The following CLYBL variants were observed in gnomAD, a reference collection of about 807,000 sequenced individuals.
The protein encoded by CLYBL is citramalyl-CoA lyase, also known as citramalyl-CoA lyase, mitochondrial.
In CLYBL, 31 loss-of-function variants were observed where a neutral mutation model predicts 38.9. That is an observed-to-expected ratio of 0.80 (90% CI 0.60 to 1.08). CLYBL has a LOEUF of 1.08. Ranked by LOEUF, CLYBL falls within the 50% of genes least tolerant of loss-of-function variation. The pLI is 0.00. For missense variants in CLYBL, 434 were observed against 411.6 expected (o/e 1.05, Z -0.47); for synonymous variants, 171 against 158.6 (o/e 1.08, Z -0.59).
intron 1 of CLYBL, among the ~76,000 whole-genome samples, chr13:99,693,786 G>A (rs2047941500): frequency 6.6e-6 from 1 of 152,178 alleles, no homozygotes; most frequent in Non-Finnish European, 1.5e-5. Context: ...GGAGGTTTAA[G>A]AAAGATTATT....
intron 1 of CLYBL, among the ~76,000 whole-genome samples, chr13:99,619,797 A>G (rs1320583282): frequency 6.6e-6 from 1 of 152,228 alleles, no homozygotes; most frequent in African/African-American, 2.4e-5. Context: ...TCCAGAGTCT[A>G]GAAAGGAATT....
intron 2 of CLYBL, among the ~76,000 whole-genome samples, chr13:99,824,260 C>CCCG (rs1555313217): frequency 1.7e-5 from 2 of 117,118 alleles, no homozygotes; most frequent in South Asian, 7.1e-4. Flanking sequence ...ACTAATAGCC[C>CCCG]CCCCCACCCA....
intron 1 of CLYBL, among the ~76,000 whole-genome samples, chr13:99,611,004 A>G (rs1404419857): frequency 1.3e-5 from 2 of 152,236 alleles, no homozygotes; most frequent in African/African-American, 4.8e-5. Flanking sequence ...AAGGAACCAC[A>G]AGACAGGTCA....
rs747659258 is a variant in CLYBL, at chr13:99,815,284, G to A, written c.249+42274G>A. Among the ~76,000 whole-genome samples, 6 of 152,284 alleles carry A rather than the reference G, an allele frequency of 3.9e-5. No individual in the cohort carries two copies. The East Asian group carries it at 7.7e-4, about 20-fold the overall frequency. ...TCATGTGTACGTGTTTGTGAATGGC[G>A]TGTGGGGATGGTGCATGGGGATGGT... On this transcript the variant is annotated intron_variant, in intron 2 of 8. Coordinates refer to ENST00000339105, the MANE Select transcript of CLYBL (RefSeq NM_206808.5).
At chr13:99,720,504 T>C (rs1342532303) in intron 1 of CLYBL, among the ~76,000 whole-genome samples, 1 of 152,236 alleles carries the variant, frequency 6.6e-6, no homozygotes, top group East Asian at 1.9e-4. Flanking sequence ...TTCTTTTGGA[T>C]TGAGTCTTTT....
chr13:99,628,591 G>A (rs2046901306), intron 1 of CLYBL, among the ~76,000 whole-genome samples: 1 of 152,202 alleles, frequency 6.6e-6, no homozygotes, highest in Admixed American at 6.5e-5. Flanking sequence ...GGGAATTCAG[G>A]ACTAGCTGCC....
chr13:99,738,585 T>C (rs934666646), intron 1 of CLYBL, among the ~76,000 whole-genome samples: 2 of 152,170 alleles, frequency 1.3e-5, no homozygotes, highest in African/African-American at 4.8e-5. Flanking sequence ...GGCCTTGTGC[T>C]CAATGGTGAT....
intron 1 of CLYBL, among the ~76,000 whole-genome samples, chr13:99,745,730 A>G (rs2048838672): frequency 6.6e-6 from 1 of 152,220 alleles, no homozygotes; most frequent in Non-Finnish European, 1.5e-5. Context: ...ATTCGTGATC[A>G]CAGCTTGTAT....
chr13:99,804,873 T>C (rs2050200920), intron 2 of CLYBL, among the ~76,000 whole-genome samples: 1 of 152,146 alleles, frequency 6.6e-6, no homozygotes, highest in Admixed American at 6.5e-5. Context: ...TCTCCAGAAC[T>C]TTTCATCTTC....
rs1437284301 is a variant in CLYBL at position 99,865,330 on chromosome 13, ATTG to A, written c.634+422_634+424del. The A allele has an allele frequency of 4.7e-5, 13 of 277,390 alleles. No homozygotes were observed. The highest frequency in any genetic ancestry group is 9.1e-5 in the Non-Finnish European group (13 of 142,696). 17.2% of individuals were successfully genotyped at this position (277,390 alleles called of 1,614,324 possible). A position where few individuals can be genotyped will look rare whatever the true frequency, so the allele number is the denominator to read the frequency against. On this transcript the variant is annotated intron_variant, in intron 5 of 8. Transcript: ENST00000339105. This position sits in a 1 kb window ranked among gnomAD's most constrained non-coding sequence, Gnocchi z 4.7. ...GGCAATTTCACATTTGCCTTAATGA[ATTG>A]TTTTCTACAGAATATGCGGTAGGTA...
chr13:99,763,662 C>A (rs2049209376), intron 1 of CLYBL, among the ~76,000 whole-genome samples: 1 of 150,496 alleles, frequency 6.6e-6, no homozygotes, highest in African/African-American at 2.4e-5. Flanking sequence ...TCAAGCGATT[C>A]TCCTGCCTAA....
intron 9 of CLYBL, among the ~76,000 whole-genome samples, chr13:99,907,542 C>T (rs987278847): frequency 5.9e-5 from 9 of 151,512 alleles, no homozygotes; most frequent in African/African-American, 1.7e-4. Context: ...TTTGTATTTC[C>T]AAATTTTTCA....
chr13:99,862,649 C>T (rs1291699175), intron 3 of CLYBL, among the ~76,000 whole-genome samples: 1 of 152,150 alleles, frequency 6.6e-6, no homozygotes, highest in Admixed American at 6.5e-5. Flanking sequence ...AAGGGCCTAC[C>T]ATTTGCATTT....
chr13:99,763,636 C>T (rs762028128), intron 1 of CLYBL, among the ~76,000 whole-genome samples: 2 of 150,818 alleles, frequency 1.3e-5, no homozygotes, highest in Non-Finnish European at 2.9e-5. Context: ...CTCACTGCAA[C>T]CTCCGCCTCC....
intron 1 of CLYBL, among the ~76,000 whole-genome samples, chr13:99,621,356 C>G (rs903580957): frequency 2.0e-5 from 3 of 152,130 alleles, no homozygotes; most frequent in African/African-American, 7.2e-5. Context: ...CCCACACTCT[C>G]GAGTCATCAG....
At chr13:99,658,247 C>T (rs542443035) in intron 1 of CLYBL, among the ~76,000 whole-genome samples, 33 of 152,378 alleles carry the variant, frequency 2.2e-4, no homozygotes, top group African/African-American at 7.7e-4. Flanking sequence ...GCAGCTTCAT[C>T]CGCAGGCCCA....
intron 2 of CLYBL, among the ~76,000 whole-genome samples, chr13:99,826,782 C>G (rs1166275902): frequency 6.6e-6 from 1 of 152,240 alleles, no homozygotes; most frequent in African/African-American, 2.4e-5. Flanking sequence ...GTTCTCATCA[C>G]TGTTCAGCCT....
At position 99,795,603 on chromosome 13, in the gene CLYBL, A is replaced by G. The variant is rs914923007; in HGVS notation, c.249+22593A>G. Among the ~76,000 whole-genome samples, 7 of 152,150 alleles carry G rather than the reference A, an allele frequency of 4.6e-5. No individual in the cohort carries two copies. The South Asian group carries it at 1.5e-3, about 32-fold the overall frequency. ...CAGGATGTTGAGACTGCAGTGGGCCATGATCATGCCACCAAACTCCAGCCT... is the reference window on the plus strand; with the variant it reads ...CAGGATGTTGAGACTGCAGTGGGCCGTGATCATGCCACCAAACTCCAGCCT... On this transcript the variant is annotated intron_variant, in intron 2 of 8. Transcript: ENST00000339105.
At chr13:99,647,593 A>G (rs2047195926) in intron 1 of CLYBL, among the ~76,000 whole-genome samples, 1 of 152,232 alleles carries the variant, frequency 6.6e-6, no homozygotes, top group South Asian at 2.1e-4. Context: ...AAGATTTAGG[A>G]CAGTTAAAAT....
Sources: allele counts gnomAD v4.1 joint callset (sites outside exome capture counted in the v4.1 genomes callset), GRCh38; gene constraint gnomAD v4.1.1; non-coding constraint Gnocchi (gnomAD v3.1); transcripts MANE v1.5; gene names NCBI Gene and HGNC (gene_info 2026-07-23, HGNC 2026-07-21).